DPRX: variants seen among roughly 807,000 people sequenced by gnomAD.
DPRX encodes divergent paired-related homeobox.
A neutral mutation model predicts 8.4 loss-of-function variants in DPRX; 11 were observed. That is an observed-to-expected ratio of 1.31 (90% CI 0.82 to 2.17). DPRX has a LOEUF of 2.17. Among genes scored for constraint, DPRX ranks in the 30% most tolerant of loss-of-function variants. DPRX has a pLI of 0.00. For synonymous variants in DPRX, 72 were observed against 87.0 expected (o/e 0.83, Z 0.96); for missense variants, 211 against 236.7 (o/e 0.89, Z 0.71).
chr19:53,609,417 A>T, the DPRX span, among the ~76,000 whole-genome samples: 1 of 134,024 alleles, frequency 7.5e-6, no homozygotes, highest in African/African-American at 2.8e-5. Flanking sequence ...CTGTGAGCCA[A>T]GACCACACCA....
chr19:53,630,475 C>G (rs1183071336), upstream of DPRX, among the ~76,000 whole-genome samples: 2 of 151,718 alleles, frequency 1.3e-5, no homozygotes, highest in East Asian at 2.0e-4. Flanking sequence ...TCACCTAGGC[C>G]CAGGAGGTTA....
the DPRX span, among the ~76,000 whole-genome samples, chr19:53,626,747 G>GA: frequency 5.5e-4 from 84 of 152,288 alleles, no homozygotes; most frequent in Non-Finnish European, 8.4e-4. Flanking sequence ...CTCCCAGGCT[G>GA]GGGTGCAGTG....
chr19:53,620,150 A>G, the DPRX span, among the ~76,000 whole-genome samples: 198 of 151,986 alleles, frequency 1.3e-3, 1 homozygote, highest in African/African-American at 4.5e-3. Flanking sequence ...CCTCACTGCA[A>G]GCTCCGCCTC....
At chr19:53,620,876 G>T in the DPRX span, among the ~76,000 whole-genome samples, 2 of 151,496 alleles carry the variant, frequency 1.3e-5, no homozygotes, top group Admixed American at 1.3e-4. Flanking sequence ...TTACAGGCGT[G>T]GGCCACCATG....
chr19:53,636,780 G>A, exon 3 of DPRX: 1 of 1,614,104 alleles, frequency 6.2e-7, no homozygotes, highest in Middle Eastern at 1.6e-4. Context: ...GTGTACACGG[G>A]TCATCGAGTC....
chr19:53,602,709 A>C, the DPRX span, among the ~76,000 whole-genome samples: 2 of 151,346 alleles, frequency 1.3e-5, no homozygotes, highest in Non-Finnish European at 2.9e-5. Flanking sequence ...TAATTTTTGT[A>C]TTTTTAGTAG....
chr19:53,620,523 C>T, the DPRX span, among the ~76,000 whole-genome samples: 1 of 151,860 alleles, frequency 6.6e-6, no homozygotes. Context: ...TCACTATGCC[C>T]GGCTAATTTT....
At chr19:53,605,897 G>T in the DPRX span, among the ~76,000 whole-genome samples, 1 of 151,940 alleles carries the variant, frequency 6.6e-6, no homozygotes, top group Non-Finnish European at 1.5e-5. Flanking sequence ...TTGAACTCCT[G>T]GGATCAAGCA....
chr19:53,616,815 G>T, the DPRX span: 1 of 1,597,962 alleles, frequency 6.3e-7, no homozygotes, highest in Non-Finnish European at 8.6e-7. Flanking sequence ...TGGAGACTTT[G>T]TACCGTGTCC....
At chr19:53,628,759 T>G (rs867544722), upstream of DPRX, among the ~76,000 whole-genome samples, 156 of 151,898 alleles carry the variant, frequency 1.0e-3, no homozygotes, top group African/African-American at 3.0e-3. Flanking sequence ...CCGGCTAATT[T>G]TGTATTTTTA....
At chr19:53,634,386 G>C in intron 1 of DPRX, 145 bp from the exon 2 acceptor site, 2 of 956,708 alleles carry the variant, frequency 2.1e-6, no homozygotes, top group South Asian at 3.4e-5. Context: ...AGCTGAGATT[G>C]TGCCACTGCA....
chr19:53,616,145 G>A, the DPRX span, among the ~76,000 whole-genome samples: 5 of 151,930 alleles, frequency 3.3e-5, no homozygotes, highest in Admixed American at 6.6e-5. Flanking sequence ...CCAGCTATTC[G>A]GGAGGCTGAG....
At chr19:53,628,928 A>G (rs2091080873), upstream of DPRX, among the ~76,000 whole-genome samples, 1 of 151,990 alleles carries the variant, frequency 6.6e-6, no homozygotes, top group Non-Finnish European at 1.5e-5. Context: ...TCCCATAAGC[A>G]GGTATTCCCC....
the DPRX span, among the ~76,000 whole-genome samples, chr19:53,610,692 C>T: frequency 6.6e-6 from 1 of 152,164 alleles, no homozygotes; most frequent in Non-Finnish European, 1.5e-5. Context: ...TGAATGTGGT[C>T]CCACACAAAT....
At chr19:53,635,124 G>T (rs1318763254) in intron 2 of DPRX, among the ~76,000 whole-genome samples, 2 of 151,966 alleles carry the variant, frequency 1.3e-5, no homozygotes, top group Admixed American at 6.6e-5. Flanking sequence ...AGGTCTACAG[G>T]TGCACACTAC....
intron 1 of DPRX, among the ~76,000 whole-genome samples, chr19:53,634,287 C>T (rs111877793): frequency 0.018 from 2,811 of 152,188 alleles, 98 homozygotes; most frequent in African/African-American, 0.064. Flanking sequence ...AAAAATTATC[C>T]GGGCATGGTG....
the DPRX span, among the ~76,000 whole-genome samples, chr19:53,602,893 G>C: frequency 6.6e-6 from 1 of 151,252 alleles, no homozygotes; most frequent in Non-Finnish European, 1.5e-5. Context: ...GGCCAGGCTG[G>C]TCTCAACTCC....
chr19:53,612,368 G>A, the DPRX span, among the ~76,000 whole-genome samples: 5 of 151,732 alleles, frequency 3.3e-5, no homozygotes, highest in Non-Finnish European at 5.9e-5. Context: ...GAGTGAAACC[G>A]GTCTCAAAAA....
chr19:53,625,454 C>G, the DPRX span, among the ~76,000 whole-genome samples: 1 of 152,064 alleles, frequency 6.6e-6, no homozygotes, highest in Admixed American at 6.6e-5. Flanking sequence ...CTCCTGCTAC[C>G]CTGCTACCGC....
Sources: allele counts gnomAD v4.1 joint callset (sites outside exome capture counted in the v4.1 genomes callset), GRCh38; gene constraint gnomAD v4.1.1; transcripts MANE v1.5; gene names NCBI Gene and HGNC (gene_info 2026-07-23, HGNC 2026-07-21).